PI4KA: variants seen among roughly 807,000 people sequenced by gnomAD.
PI4KA encodes PI4-kinase alpha.
Under a neutral mutation model 271.4 loss-of-function variants are expected in PI4KA, and 122 were observed. The observed-to-expected ratio is 0.45, with a 90% confidence interval of 0.39 to 0.52. PI4KA has a LOEUF of 0.52. Among genes scored for constraint, PI4KA ranks in the 20% least tolerant of loss-of-function variants. The probability of loss-of-function intolerance (pLI) is 0.00; values close to 1 mark genes in which losing one functional copy is unlikely to be tolerated. For synonymous variants in PI4KA, 1,041 were observed against 1,078.8 expected (o/e 0.96, Z 0.69); for missense variants, 1,969 against 2,769.1 (o/e 0.71, Z 6.48).
At chr22:20,760,515 T>G (rs1375861200) in intron 23 of PI4KA, among the ~76,000 whole-genome samples, 1 of 152,190 alleles carries the variant, frequency 6.6e-6, no homozygotes, top group African/African-American at 2.4e-5. Context: ...TTAAAAAAAT[T>G]AAGGTATAAT....
rs762148561 is a variant in PI4KA at position 20,727,875 on chromosome 22, C to G, written c.4683-11G>C. The G allele has an allele frequency of 5.6e-6, 9 of 1,609,720 alleles. No individual in the cohort carries two copies. Among genetic ancestry groups the G allele is most frequent in the Non-Finnish European group, 7.7e-6 (9 of 1,176,246 alleles). On this transcript the variant is annotated splice_polypyrimidine_tract_variant and intron_variant, in intron 39 of 54. Transcript: ENST00000255882. ...TCTGTGTTCTTAAACCTACAGTGCACAGAGGGTATGGGTGGTGCTGCCTCG... is the reference window on the plus strand; with the variant it reads ...TCTGTGTTCTTAAACCTACAGTGCAGAGAGGGTATGGGTGGTGCTGCCTCG...
At chr22:20,800,447 T>C (rs1340005467) in intron 14 of PI4KA, among the ~76,000 whole-genome samples, 1 of 152,156 alleles carries the variant, frequency 6.6e-6, no homozygotes, top group African/African-American at 2.4e-5. Context: ...AAACCTCACA[T>C]TTATATTAAA....
At chr22:20,762,716 T>G (rs751462279) in intron 22 of PI4KA, among the ~76,000 whole-genome samples, 1 of 152,168 alleles carries the variant, frequency 6.6e-6, no homozygotes, top group East Asian at 1.9e-4. Context: ...GTTTTGGCTG[T>G]TTTTTCTTTG....
intron 19 of PI4KA, chr22:20,785,953 T>C: frequency 6.2e-7 from 1 of 1,613,502 alleles, no homozygotes; most frequent in African/African-American, 1.3e-5. Context: ...CATGATTCTT[T>C]TGTAACTTGT....
intron 3 of PI4KA, among the ~76,000 whole-genome samples, chr22:20,827,770 C>G (rs781035228): frequency 2.0e-5 from 3 of 152,022 alleles, no homozygotes; most frequent in Non-Finnish European, 4.4e-5. Context: ...TTTCACCTCC[C>G]TGGTTAGCTG....
intron 17 of PI4KA, chr22:20,798,365 A>C (rs1185273556): frequency 3.8e-6 from 2 of 529,760 alleles, no homozygotes; most frequent in Non-Finnish European, 6.8e-6. Context: ...AATCAGAAGG[A>C]GAGAAAGGAG....
intron 23 of PI4KA, among the ~76,000 whole-genome samples, chr22:20,758,263 G>T (rs1157277207): frequency 6.6e-6 from 1 of 151,006 alleles, no homozygotes; most frequent in African/African-American, 2.4e-5. Flanking sequence ...TACTTGGGAG[G>T]CTGAGGCAGG....
At chr22:20,819,615 C>G in intron 6 of PI4KA, 26 bp downstream of exon 6, 1 of 1,605,968 alleles carries the variant, frequency 6.2e-7, no homozygotes, top group Non-Finnish European at 8.5e-7. Flanking sequence ...TTCTCCTCTG[C>G]TCTTTCCCCA....
At chr22:20,847,248 C>T (rs1365056912) in intron 1 of PI4KA, among the ~76,000 whole-genome samples, 1 of 151,552 alleles carries the variant, frequency 6.6e-6, no homozygotes, top group African/African-American at 2.4e-5. Context: ...ATTTAACAAA[C>T]CTGCACATCC....
rs1925736859 is a variant in PI4KA at position 20,842,865 on chromosome 22, C to CTT, written c.157-4136_157-4135dup. On this transcript the variant is annotated intron_variant, in intron 1 of 54. Transcript: ENST00000255882. ...GTGGCTCACGCCTGTAATCCCAGCA[C>CTT]TTTGGGAGGCCGAGGTGGGCGGATC... 3.3e-5 allele frequency among the ~76,000 whole-genome samples: 5 copies of CTT among 149,696 alleles called. No individual in the cohort carries two copies. In the East Asian group the frequency reaches 9.9e-4, roughly 30 times the overall value.
intron 42 of PI4KA, among the ~76,000 whole-genome samples, chr22:20,724,031 G>A (rs983949331): frequency 7.9e-5 from 12 of 151,622 alleles, no homozygotes; most frequent in Non-Finnish European, 1.2e-4. Flanking sequence ...GTAGAGACGG[G>A]GTTTCACTCT....
Position 20,798,695 on chromosome 22 carries a change from A to G in PI4KA, c.2005-8T>C. 1.3e-6 allele frequency: 2 copies of G among 1,582,356 alleles called. No homozygotes were observed. Among genetic ancestry groups the G allele is most frequent in the Non-Finnish European group, 1.7e-6 (2 of 1,151,118 alleles). ...TTCCTGATAGATGTATTGCTGGGAG[A>G]GAGCAAGATGCACTGTCACCATGCA... On this transcript the variant is annotated splice_polypyrimidine_tract_variant and splice_region_variant and intron_variant, in intron 16 of 54. Coordinates refer to ENST00000255882, the MANE Select transcript of PI4KA (RefSeq NM_058004.4).
At chr22:20,785,971 T>G (rs1934186667) in intron 19 of PI4KA, 1 of 1,614,028 alleles carries the variant, frequency 6.2e-7, no homozygotes, top group Admixed American at 1.7e-5. Context: ...TGTGGTTCAA[T>G]AAAACTGGGC....
In PI4KA at chr22:20,761,403, T is replaced by A. The variant is rs758765642; in HGVS notation, c.2709-17A>T. The A allele has an allele frequency of 6.4e-7, 1 of 1,571,386 alleles. No homozygotes were observed. Among genetic ancestry groups the A allele is most frequent in the Non-Finnish European group, 8.8e-7 (1 of 1,141,446 alleles). On this transcript the variant is annotated splice_polypyrimidine_tract_variant and intron_variant, in intron 22 of 54. Coordinates refer to ENST00000255882, the MANE Select transcript of PI4KA (RefSeq NM_058004.4). ...CGCAGTACCCTAAGAAGAAAACAGC[T>A]TTAAATAAATTTTGAAAAATCTGGG...
intron 48 of PI4KA, 107 bp downstream of exon 48, chr22:20,713,174 G>A (rs1436363881): frequency 2.2e-6 from 2 of 890,640 alleles, no homozygotes; most frequent in Non-Finnish European, 1.8e-6. Context: ...TATAAGAGAA[G>A]GAAAAGATTC....
At chr22:20,725,154 GAGT>G (rs1164645351) in intron 42 of PI4KA, among the ~76,000 whole-genome samples, 1 of 152,202 alleles carries the variant, frequency 6.6e-6, no homozygotes, top group Non-Finnish European at 1.5e-5. Flanking sequence ...AGGTGGGCCA[GAGT>G]GGTGAGGACT....
intron 19 of PI4KA, among the ~76,000 whole-genome samples, chr22:20,788,417 C>T (rs978578764): frequency 2.6e-5 from 4 of 152,190 alleles, no homozygotes; most frequent in Non-Finnish European, 4.4e-5. Context: ...TGTGGGTTAT[C>T]TCACAGAGTC....
At chr22:20,751,455 C>T in intron 26 of PI4KA, 79 bp from the exon 27 acceptor site, 3 of 1,239,806 alleles carry the variant, frequency 2.4e-6, no homozygotes, top group Non-Finnish European at 2.3e-6. Context: ...CACCCCTACC[C>T]ACCACCTGTC....
intron 28 of PI4KA, 34 bp from the exon 29 acceptor site, chr22:20,747,736 T>C: frequency 1.2e-6 from 2 of 1,601,028 alleles, no homozygotes; most frequent in Non-Finnish European, 1.7e-6. Context: ...GTTTCAGTTA[T>C]TTATCTGATT....
Sources: gnomAD v4.1 joint callset for allele counts (sites outside exome capture counted in the v4.1 genomes callset) on GRCh38, gnomAD v4.1.1 for gene constraint, MANE v1.5 for transcripts, NCBI Gene and HGNC (gene_info 2026-07-23, HGNC 2026-07-21) for gene names.